PCSK2: variants seen among roughly 807,000 people sequenced by gnomAD.
The protein encoded by PCSK2 is neuroendocrine convertase 2.
Under a neutral mutation model 69.7 loss-of-function variants are expected in PCSK2, and 14 were observed. The ratio of observed to expected loss-of-function variants is 0.20; its 90% CI spans 0.13 to 0.31. The LOEUF is 0.31. Ranked by LOEUF, PCSK2 falls within the 10% of genes least tolerant of loss-of-function variation. PCSK2 has a pLI of 1.00. For missense variants in PCSK2, 544 were observed against 842.5 expected (o/e 0.65, Z 4.39); for synonymous variants, 307 against 320.7 (o/e 0.96, Z 0.46).
chr20:17,372,838 A>C (rs1484233940), intron 5 of PCSK2, among the ~76,000 whole-genome samples: 2 of 152,068 alleles, frequency 1.3e-5, no homozygotes, highest in Non-Finnish European at 2.9e-5. Flanking sequence ...TGTAGAGTTC[A>C]GAGTGGCAAC....
Position 17,239,388 on chromosome 20 carries a change from A to T in PCSK2, c.177+11906A>T, listed in dbSNP as rs532047190. Among the ~76,000 whole-genome samples the T allele has an allele frequency of 4.6e-5, 7 of 152,206 alleles. No individual in the cohort carries two copies. The East Asian group carries it at 1.4e-3, about 29-fold the overall frequency. On this transcript the variant is annotated intron_variant, in intron 1 of 11. Transcript: ENST00000262545. ...CAAGAGAGACCTTGAAGAACCTAAA[A>T]TGTGGGAAGAAGGATGGGAAACAAG... is the stretch of plus-strand genomic sequence containing the variant.
At chr20:17,330,634 TTAAAA>T (rs530398044) in intron 2 of PCSK2, among the ~76,000 whole-genome samples, 30 of 151,712 alleles carry the variant, frequency 2.0e-4, no homozygotes, top group African/African-American at 2.9e-4. Flanking sequence ...AATACATAAA[TTAAAA>T]TAAAATAAAA....
intron 5 of PCSK2, 118 bp from the exon 6 acceptor site, chr20:17,409,145 G>A: frequency 1.3e-6 from 1 of 780,820 alleles, no homozygotes; most frequent in Non-Finnish European, 2.3e-6. Context: ...GTTTGGTCCA[G>A]TGCAGCACAC....
intron 2 of PCSK2, among the ~76,000 whole-genome samples, chr20:17,267,343 G>A (rs1212148893): frequency 6.6e-6 from 1 of 152,190 alleles, no homozygotes. Context: ...CAAGTTGAGA[G>A]TTACTTGACA....
intron 4 of PCSK2, among the ~76,000 whole-genome samples, chr20:17,369,025 G>GGCA (rs1023197533): frequency 3.3e-5 from 5 of 152,126 alleles, no homozygotes; most frequent in African/African-American, 1.2e-4. Flanking sequence ...AGCTGTCTTG[G>GGCA]GCAGCTGTCT....
chr20:17,409,485 T>C (rs2044669435), intron 6 of PCSK2, 146 bp downstream of exon 6: 1 of 616,432 alleles, frequency 1.6e-6, no homozygotes, highest in African/African-American at 1.9e-5. Flanking sequence ...GTGGTTACAT[T>C]CTCTAAAGTG....
intron 2 of PCSK2, among the ~76,000 whole-genome samples, chr20:17,283,823 A>C (rs917164655): frequency 2.6e-5 from 4 of 152,206 alleles, no homozygotes; most frequent in African/African-American, 7.2e-5. Flanking sequence ...TCCAGCTAGC[A>C]TGTTTGCTCA....
intron 8 of PCSK2, among the ~76,000 whole-genome samples, chr20:17,447,296 A>G (rs140874180): frequency 2.7e-4 from 41 of 152,060 alleles, no homozygotes; most frequent in African/African-American, 8.2e-4. Context: ...TCTATGAAAG[A>G]AAAAAACATA....
chr20:17,279,849 A>G (rs1449881525), intron 2 of PCSK2, among the ~76,000 whole-genome samples: 1 of 152,092 alleles, frequency 6.6e-6, no homozygotes, highest in South Asian at 2.1e-4. Flanking sequence ...TTTCTCTGAT[A>G]AAATTGCTGA....
intron 2 of PCSK2, among the ~76,000 whole-genome samples, chr20:17,334,981 G>T (rs1397029399): frequency 6.6e-6 from 1 of 152,188 alleles, no homozygotes; most frequent in Non-Finnish European, 1.5e-5. Flanking sequence ...CTTTGGGCAA[G>T]TTACTCAGAG....
intron 8 of PCSK2, among the ~76,000 whole-genome samples, chr20:17,439,329 T>G (rs1268566242): frequency 1.3e-5 from 2 of 152,070 alleles, no homozygotes; most frequent in Non-Finnish European, 2.9e-5. Flanking sequence ...TTCACCATGT[T>G]GCCCAGGCTA....
At position 17,293,661 on chromosome 20, in the gene PCSK2, CTAGAT is replaced by C. The variant is rs1176290177; in HGVS notation, c.282+33324_282+33328del. Among the ~76,000 whole-genome samples, 3 of 152,024 alleles carry C rather than the reference CTAGAT, an allele frequency of 2.0e-5. No homozygotes were observed. In the East Asian group the frequency reaches 5.8e-4, roughly 29 times the overall value. On this transcript the variant is annotated intron_variant, in intron 2 of 11. Coordinates refer to ENST00000262545, the MANE Select transcript of PCSK2 (RefSeq NM_002594.5). ...TTAATATAAAATCATTTTGAAATGACTAGATTAGATTTTACTTTGTCATGAGATTA... is the reference window on the plus strand; with the variant it reads ...TTAATATAAAATCATTTTGAAATGACTAGATTTTACTTTGTCATGAGATTA...
rs76221556 is a variant in PCSK2 at position 17,386,998 on chromosome 20, C to T, written c.543+17721C>T. Among the ~76,000 whole-genome samples, 392 of 152,206 alleles carry T rather than the reference C, an allele frequency of 2.6e-3. 2 individuals carry two copies. Among genetic ancestry groups the T allele is most frequent in the African/African-American group, 9.0e-3 (374 of 41,516 alleles). ...TGTATTAAAACATAAAATCCTCTGTCCAGCTAGATGTTAAGATCTCTGTCT... is the reference window on the plus strand; with the variant it reads ...TGTATTAAAACATAAAATCCTCTGTTCAGCTAGATGTTAAGATCTCTGTCT... On this transcript the variant is annotated intron_variant, in intron 5 of 11. Coordinates refer to ENST00000262545, the MANE Select transcript of PCSK2 (RefSeq NM_002594.5).
At chr20:17,270,559 T>C (rs1034973917) in intron 2 of PCSK2, among the ~76,000 whole-genome samples, 4 of 152,136 alleles carry the variant, frequency 2.6e-5, no homozygotes, top group African/African-American at 9.7e-5. Context: ...TTCTCTACGA[T>C]GAGCATGTCC....
At chr20:17,317,181 T>C (rs750910523) in intron 2 of PCSK2, among the ~76,000 whole-genome samples, 4 of 152,212 alleles carry the variant, frequency 2.6e-5, no homozygotes, top group South Asian at 2.1e-4. Flanking sequence ...TAATTCTCTC[T>C]CAGTTCCCAA....
intron 2 of PCSK2, among the ~76,000 whole-genome samples, chr20:17,281,093 C>G (rs1988291640): frequency 6.6e-6 from 1 of 152,286 alleles, no homozygotes. Flanking sequence ...GTATAGTAAC[C>G]CAGGTGAGGT....
At chr20:17,258,582 G>A (rs1987264712) in intron 1 of PCSK2, among the ~76,000 whole-genome samples, 1 of 152,128 alleles carries the variant, frequency 6.6e-6, no homozygotes, top group Admixed American at 6.6e-5. Context: ...TCAAAAGAAG[G>A]AAGTAGTCTA....
intron 1 of PCSK2, among the ~76,000 whole-genome samples, chr20:17,254,847 A>G (rs1431291904): frequency 6.6e-6 from 1 of 152,196 alleles, no homozygotes; most frequent in Non-Finnish European, 1.5e-5. Context: ...AATTTCTTTC[A>G]GTGATGCTTT....
chr20:17,428,894 G>T (rs928586592), intron 6 of PCSK2, among the ~76,000 whole-genome samples: 1 of 146,774 alleles, frequency 6.8e-6, no homozygotes, highest in Non-Finnish European at 1.5e-5. Context: ...AGCTACTGAA[G>T]AGGCTGAGGC....
Sources: gnomAD v4.1 joint callset for allele counts (sites outside exome capture counted in the v4.1 genomes callset) on GRCh38, gnomAD v4.1.1 for gene constraint, MANE v1.5 for transcripts, NCBI Gene and HGNC (gene_info 2026-07-23, HGNC 2026-07-21) for gene names.